Variants in ATG10 observed in about 807,000 individuals in gnomAD.
ATG10 encodes ubiquitin-like-conjugating enzyme ATG10.
In ATG10, 30 loss-of-function variants were observed where a neutral mutation model predicts 32.1. The ratio of observed to expected loss-of-function variants is 0.94; its 90% CI spans 0.70 to 1.27. ATG10 has a LOEUF of 1.27. ATG10 is among the 50% of genes most tolerant of loss of function. The pLI, the probability that ATG10 is intolerant of heterozygous loss-of-function variation, is 0.00. For missense variants in ATG10, 233 were observed against 262.3 expected (o/e 0.89, Z 0.77); for synonymous variants, 87 against 91.5 (o/e 0.95, Z 0.28).
chr5:82,036,904 C>T (rs1027830142), intron 2 of ATG10, among the ~76,000 whole-genome samples: 4 of 151,494 alleles, frequency 2.6e-5, no homozygotes, highest in South Asian at 4.2e-4. Flanking sequence ...AGGCAGAGGC[C>T]GGCACATCAC....
At chr5:82,204,505 C>T (rs993221593) in intron 5 of ATG10, among the ~76,000 whole-genome samples, 1 of 152,064 alleles carries the variant, frequency 6.6e-6, no homozygotes, top group African/African-American at 2.4e-5. Context: ...TTGAATCTTA[C>T]AATTTAATGA....
Position 82,005,768 on chromosome 5 carries a change from A to G in ATG10, c.108+18090A>G, listed in dbSNP as rs575402312. 6.1e-4 allele frequency among the ~76,000 whole-genome samples: 93 copies of G among 152,200 alleles called. 2 individuals carry two copies. Among genetic ancestry groups the G allele is most frequent in the Admixed American group, 1.0e-3 (16 of 15,298 alleles). On this transcript the variant is annotated intron_variant, in intron 2 of 7. Coordinates refer to ENST00000282185, the MANE Select transcript of ATG10 (RefSeq NM_031482.5). Reference sequence around the variant, plus strand: ...TATAGATTTTCAGCTTCCTTCTCTCACTTTTGTATAGCAGAAACAGGAAGA... The same window carrying G: ...TATAGATTTTCAGCTTCCTTCTCTCGCTTTTGTATAGCAGAAACAGGAAGA...
At chr5:82,006,887 C>T (rs1288860211) in intron 2 of ATG10, among the ~76,000 whole-genome samples, 1 of 152,192 alleles carries the variant, frequency 6.6e-6, no homozygotes, top group African/African-American at 2.4e-5. Context: ...CAGAGTCTCG[C>T]TCTGTCACCA....
At chr5:82,217,189 G>T (rs1265356949) in intron 5 of ATG10, among the ~76,000 whole-genome samples, 3 of 152,130 alleles carry the variant, frequency 2.0e-5, no homozygotes, top group Non-Finnish European at 4.4e-5. Context: ...CATGAGTTTT[G>T]CAATCAAACA....
At chr5:82,199,582 T>C (rs1744987263) in intron 5 of ATG10, among the ~76,000 whole-genome samples, 1 of 152,212 alleles carries the variant, frequency 6.6e-6, no homozygotes, top group Non-Finnish European at 1.5e-5. Context: ...TTTTGGCATT[T>C]GTCTGGTAAA....
intron 3 of ATG10, among the ~76,000 whole-genome samples, chr5:82,067,938 T>TA (rs1763994570): frequency 6.6e-6 from 1 of 152,172 alleles, no homozygotes; most frequent in African/African-American, 2.4e-5. Flanking sequence ...GCTGTATACT[T>TA]AAGAGGATAC....
chr5:82,176,190 A>G (rs1045159956), intron 4 of ATG10, among the ~76,000 whole-genome samples: 18 of 152,192 alleles, frequency 1.2e-4, no homozygotes, highest in Non-Finnish European at 1.8e-4. Context: ...AAAGTTAAGG[A>G]AGGCATTTTT....
chr5:82,097,092 G>A (rs910814127), intron 3 of ATG10, among the ~76,000 whole-genome samples: 1 of 152,026 alleles, frequency 6.6e-6, no homozygotes, highest in South Asian at 2.1e-4. Flanking sequence ...AATATCTTTT[G>A]TTATATGTTT....
intron 3 of ATG10, chr5:82,148,053 A>G (rs896989323): frequency 6.6e-6 from 1 of 152,244 alleles, no homozygotes; most frequent in Non-Finnish European, 1.5e-5. Flanking sequence ...TCAGCAGATT[A>G]CAGCCCTTGG....
chr5:82,177,600 G>C lies in ATG10; in HGVS notation c.356-890G>C, dbSNP rs529681939. Among the ~76,000 whole-genome samples, 322 of 152,162 alleles carry C rather than the reference G, an allele frequency of 2.1e-3. 1 individual carries two copies. Among genetic ancestry groups the C allele is most frequent in the Non-Finnish European group, 1.8e-3 (122 of 67,996 alleles). On this transcript the variant is annotated intron_variant, in intron 4 of 7. Transcript: ENST00000282185. The stretch of plus-strand genomic sequence containing the variant: ...GACACCTTCTTTCCAGTAGTGTATG[G>C]TTTGAAATCTTTAGGTGACTTCTTC...
In ATG10 at chr5:81,993,382, T is replaced by C. The variant is rs1277377001; in HGVS notation, c.108+5704T>C. 2.8e-3 allele frequency among the ~76,000 whole-genome samples: 309 copies of C among 111,226 alleles called. 12 individuals are homozygous for C. The highest frequency in any genetic ancestry group is 0.014 in the African/African-American group (298 of 21,320). 73.0% of individuals were successfully genotyped at this position (111,226 alleles called of 152,430 possible). A position where few individuals can be genotyped will look rare whatever the true frequency, so the allele number is the denominator to read the frequency against. On this transcript the variant is annotated intron_variant, in intron 2 of 7. Transcript: ENST00000282185. Reference sequence around the variant, plus strand: ...TTCCTTCTTTTCTTTTCTTTTCTTTTCTTTTCTTTTTTTTTCTTTTCTTTT... The same window carrying C: ...TTCCTTCTTTTCTTTTCTTTTCTTTCCTTTTCTTTTTTTTTCTTTTCTTTT...
rs771300282 is a variant in ATG10, at chr5:82,253,445, G to A, written c.*4+16G>A. 1.4e-6 allele frequency: 2 copies of A among 1,479,922 alleles called. No individual in the cohort carries two copies. The highest frequency in any genetic ancestry group is 2.7e-5 in the African/African-American group (2 of 72,802). The allele number at this position is 1,479,922 out of a possible 1,614,324, so 91.7% of individuals were successfully genotyped here. ...CCTTAACAAGGTAAAAGAAAAGCCT[G>A]GATTTAATGTTTTGCCGTTACAAAG... On this transcript the variant is annotated intron_variant, in intron 7 of 7. Coordinates refer to ENST00000282185, the MANE Select transcript of ATG10 (RefSeq NM_031482.5).
rs112129758 is a variant in ATG10, at chr5:82,209,761, T to C, written c.453+31174T>C. Among the ~76,000 whole-genome samples, 76 of 152,304 alleles carry C rather than the reference T, an allele frequency of 5.0e-4. 1 individual carries two copies. Among genetic ancestry groups the C allele is most frequent in the African/African-American group, 1.7e-3 (69 of 41,576 alleles). ...TTGAAAATTTTGGGCCATTTTTTCT[T>C]TAAATAGATTGCTTTTGCCCCAGTT... On this transcript the variant is annotated intron_variant, in intron 5 of 7. Coordinates refer to ENST00000282185, the MANE Select transcript of ATG10 (RefSeq NM_031482.5).
chr5:82,056,434 T>G (rs1396289015), intron 2 of ATG10, among the ~76,000 whole-genome samples: 2 of 150,970 alleles, frequency 1.3e-5, no homozygotes, highest in East Asian at 1.9e-4. Flanking sequence ...GCCAGGTTTT[T>G]TTTTTTTTTT....
At chr5:82,182,049 G>A (rs181975621) in intron 5 of ATG10, among the ~76,000 whole-genome samples, 13 of 152,222 alleles carry the variant, frequency 8.5e-5, no homozygotes, top group Non-Finnish European at 1.6e-4. Flanking sequence ...TTACAATAAT[G>A]ATCACTGGAA....
intron 3 of ATG10, among the ~76,000 whole-genome samples, chr5:82,162,298 A>G (rs1222527946): frequency 6.6e-6 from 1 of 152,180 alleles, no homozygotes; most frequent in Non-Finnish European, 1.5e-5. Flanking sequence ...GCTCACCTTC[A>G]CTAGTAAGTA....
At chr5:82,242,131 T>C (rs1043659685) in intron 5 of ATG10, among the ~76,000 whole-genome samples, 6 of 152,038 alleles carry the variant, frequency 3.9e-5, no homozygotes, top group African/African-American at 1.4e-4. Flanking sequence ...AATATAAATA[T>C]ATTGAACATA....
intron 1 of ATG10, among the ~76,000 whole-genome samples, chr5:81,978,519 G>A (rs892571370): frequency 6.6e-6 from 1 of 152,198 alleles, no homozygotes. Flanking sequence ...AGTTTGAGCT[G>A]TGGATCAGCT....
At chr5:82,133,382 C>G (rs992537813) in intron 3 of ATG10, among the ~76,000 whole-genome samples, 2 of 150,612 alleles carry the variant, frequency 1.3e-5, no homozygotes, top group Non-Finnish European at 3.0e-5. Context: ...CTTTAGTCCA[C>G]CTTGAGTTAA....
Sources: gnomAD v4.1 joint callset for allele counts (sites outside exome capture counted in the v4.1 genomes callset) on GRCh38, gnomAD v4.1.1 for gene constraint, MANE v1.5 for transcripts, NCBI Gene and HGNC (gene_info 2026-07-23, HGNC 2026-07-21) for gene names.